TSHR: variants seen among roughly 807,000 people sequenced by gnomAD.
The protein encoded by TSHR is thyroid stimulating hormone receptor, also known as thyrotropin receptor.
Under a neutral mutation model 64.1 loss-of-function variants are expected in TSHR, and 51 were observed. The ratio of observed to expected loss-of-function variants is 0.80; its 90% CI spans 0.64 to 1.01. The LOEUF is 1.01. Among genes scored for constraint, TSHR ranks in the 50% least tolerant of loss-of-function variants. TSHR has a pLI of 0.00. For missense variants in TSHR, 877 were observed against 942.8 expected, an observed-to-expected ratio of 0.93 and a Z score of 0.91; for synonymous variants, 361 against 361.9, an observed-to-expected ratio of 1.00 and a Z score of 0.03.
At chr14:81,070,752 T>C (rs1366765680) in intron 3 of TSHR, among the ~76,000 whole-genome samples, 1 of 151,860 alleles carries the variant, frequency 6.6e-6, no homozygotes, top group Non-Finnish European at 1.5e-5. Context: ...AGAAAGATAT[T>C]TGTGAACAGC....
chr14:81,120,594 T>A (rs1890749990), intron 8 of TSHR, among the ~76,000 whole-genome samples: 1 of 152,220 alleles, frequency 6.6e-6, no homozygotes, highest in Non-Finnish European at 1.5e-5. Flanking sequence ...GCTTTCTGAT[T>A]TTCTGTATAA....
At position 81,029,643 on chromosome 14, in the gene TSHR, T is replaced by C. The variant is rs142285700; in HGVS notation, c.171-32505T>C. Among the ~76,000 whole-genome samples, 945 of 152,320 alleles carry C rather than the reference T, an allele frequency of 6.2e-3. 13 individuals carry two copies. Among genetic ancestry groups the C allele is most frequent in the African/African-American group, 0.021 (885 of 41,582 alleles). ...ATGGAAATAAAAAATTTCTGTACTA[T>C]GTGGTAGAAATGAGTGTGTGCCATT... On this transcript the variant is annotated intron_variant, in intron 1 of 9. Transcript: ENST00000298171.
intron 3 of TSHR, 168 bp from the exon 4 acceptor site, chr14:81,087,784 GTA>G: frequency 1.5e-6 from 1 of 688,736 alleles, no homozygotes; most frequent in South Asian, 1.5e-5. Flanking sequence ...GGAGACAGGA[GTA>G]GTTTGTCATT....
chr14:81,104,161 T>C, intron 7 of TSHR: 2 of 985,442 alleles, frequency 2.0e-6, no homozygotes, highest in Non-Finnish European at 2.4e-6. Context: ...TTCTCACAGG[T>C]TACTATTTAC....
chr14:81,096,923 G>GGTGTGTGTGTGTGTGTGTGTGTGTGT (rs147149121), intron 7 of TSHR, among the ~76,000 whole-genome samples: 42 of 148,404 alleles, frequency 2.8e-4, no homozygotes, highest in African/African-American at 1.0e-3. Context: ...TTTTCTCCCT[G>GGTGTGTGTGTGTGTGTGTGTGTGTGT]GTGTGTGTGT....
intron 1 of TSHR, among the ~76,000 whole-genome samples, chr14:81,022,379 A>G (rs1268652706): frequency 1.3e-5 from 2 of 152,230 alleles, no homozygotes; most frequent in African/African-American, 2.4e-5. Flanking sequence ...ATATTTGGTC[A>G]AAGAGTTTTC....
chr14:80,998,953 A>T (rs181977304), intron 1 of TSHR, among the ~76,000 whole-genome samples: 37 of 152,346 alleles, frequency 2.4e-4, no homozygotes, highest in African/African-American at 8.7e-4. Flanking sequence ...TGGTTCCATC[A>T]AGAACACTTA....
intron 1 of TSHR, chr14:81,033,327 G>T: frequency 3.1e-6 from 1 of 324,408 alleles, no homozygotes. Context: ...CTCCGAGAGT[G>T]AAGACAGTGA....
chr14:81,031,464 A>T (rs1884343292), intron 1 of TSHR, among the ~76,000 whole-genome samples: 1 of 152,240 alleles, frequency 6.6e-6, no homozygotes, highest in Non-Finnish European at 1.5e-5. Context: ...TTTAGAAAAA[A>T]ACATGAGGCT....
chr14:81,068,352 A>G (rs1269659861), intron 3 of TSHR, 24 bp downstream of exon 3: 3 of 1,609,780 alleles, frequency 1.9e-6, no homozygotes, highest in African/African-American at 1.3e-5. Context: ...AAAGTGCAGC[A>G]TAGACCTAAG....
chr14:81,040,302 AC>A (rs1312639802), intron 1 of TSHR, among the ~76,000 whole-genome samples: 1 of 152,034 alleles, frequency 6.6e-6, no homozygotes, highest in Non-Finnish European at 1.5e-5. Flanking sequence ...TTCATCATAT[AC>A]AAAAAATCAA....
At chr14:80,982,602 T>C in intron 1 of TSHR, 1 of 903,004 alleles carries the variant, frequency 1.1e-6, no homozygotes. Context: ...TGGATGAAAT[T>C]AATGGAAAAA....
At chr14:81,104,638 C>T (rs755201429) in intron 7 of TSHR, 94 of 985,272 alleles carry the variant, frequency 9.5e-5, no homozygotes, top group South Asian at 1.9e-4. Flanking sequence ...CAGAAAAGGG[C>T]GTACATAAAC....
chr14:81,142,898 C>T lies in TSHR; in HGVS notation c.882-42C>T, dbSNP rs1381244050. ...GTGCTGGGATTACAGTCATGAGCCA[C>T]TGCGCCCAGCCTGGCACTGACTCTT... On this transcript the variant is annotated intron_variant, in intron 9 of 9. Transcript: ENST00000298171. 5.0e-6 allele frequency: 8 copies of T among 1,586,872 alleles called. No homozygotes were observed. The African/African-American group carries it at 5.4e-5, about 11-fold the overall frequency.
At chr14:81,137,680 T>C (rs1478086062) in intron 8 of TSHR, among the ~76,000 whole-genome samples, 1 of 152,238 alleles carries the variant, frequency 6.6e-6, no homozygotes, top group Admixed American at 6.5e-5. Flanking sequence ...ATAAAACCTA[T>C]GCTCATAATA....
chr14:81,062,822 C>G (rs1157044168), intron 2 of TSHR, among the ~76,000 whole-genome samples: 1 of 152,104 alleles, frequency 6.6e-6, no homozygotes, highest in East Asian at 1.9e-4. Flanking sequence ...TTTTGACAGG[C>G]AATCCAGATA....
chr14:80,975,976 A>G (rs1025587529), intron 1 of TSHR, among the ~76,000 whole-genome samples: 1 of 151,812 alleles, frequency 6.6e-6, no homozygotes, highest in Admixed American at 6.6e-5. Flanking sequence ...CAGTGGCACA[A>G]TCTTGGCTCA....
At chr14:81,084,072 C>T (rs1430436364) in intron 3 of TSHR, among the ~76,000 whole-genome samples, 2 of 152,090 alleles carry the variant, frequency 1.3e-5, no homozygotes, top group African/African-American at 4.8e-5. Flanking sequence ...GATTTAGGTC[C>T]CTCTCCCAAC....
At chr14:81,012,253 C>T (rs1295745538) in intron 1 of TSHR, 2 of 151,266 alleles carry the variant, frequency 1.3e-5, no homozygotes, top group African/African-American at 2.4e-5. Context: ...ATCCATGTCC[C>T]TACAAAGGAC....
Sources: allele counts gnomAD v4.1 joint callset (sites outside exome capture counted in the v4.1 genomes callset), GRCh38; gene constraint gnomAD v4.1.1; transcripts MANE v1.5; gene names NCBI Gene and HGNC (gene_info 2026-07-23, HGNC 2026-07-21).